NPAS2: variants seen among roughly 807,000 people sequenced by gnomAD.
NPAS2 encodes the protein neuronal PAS domain protein 2.
Under a neutral mutation model 107.5 loss-of-function variants are expected in NPAS2, and 23 were observed. The observed-to-expected ratio is 0.21, with a 90% CI of 0.15 to 0.30. The LOEUF is 0.30. Among genes scored for constraint, NPAS2 ranks in the 10% least tolerant of loss-of-function variants. The pLI is 1.00. For synonymous variants in NPAS2, 403 were observed against 417.5 expected (o/e 0.97, Z 0.42); for missense variants, 756 against 1,043.3 (o/e 0.72, Z 3.79).
intron 1 of NPAS2, chr2:100,823,562 C>T (rs996035830): frequency 6.6e-6 from 1 of 152,242 alleles, no homozygotes; most frequent in Admixed American, 6.5e-5. Flanking sequence ...GATTCTAACT[C>T]AGGACACCTG....
intron 2 of NPAS2, among the ~76,000 whole-genome samples, chr2:100,908,394 C>T (rs1207315949): frequency 6.6e-6 from 1 of 152,064 alleles, no homozygotes; most frequent in Admixed American, 6.6e-5. Flanking sequence ...TTATTCTTAG[C>T]CCCATTTTAC....
intron 1 of NPAS2, among the ~76,000 whole-genome samples, chr2:100,860,300 G>T (rs1678857596): frequency 6.6e-6 from 1 of 152,188 alleles, no homozygotes; most frequent in Non-Finnish European, 1.5e-5. Context: ...TGTACTTCTG[G>T]CAGGAATATC....
intron 1 of NPAS2, among the ~76,000 whole-genome samples, chr2:100,883,898 A>G (rs1680538138): frequency 7.4e-6 from 1 of 134,408 alleles, no homozygotes; most frequent in South Asian, 2.8e-4. Flanking sequence ...ACACCTCCCT[A>G]CTGGTTAGGC....
intron 1 of NPAS2, among the ~76,000 whole-genome samples, chr2:100,876,347 G>A (rs761811315): frequency 3.3e-5 from 5 of 152,182 alleles, no homozygotes; most frequent in Non-Finnish European, 5.9e-5. Flanking sequence ...TGGTCCCCAC[G>A]CCTGCTGCTC....
chr2:100,979,498 ATATATTTTT>A (rs1190143816), intron 15 of NPAS2, among the ~76,000 whole-genome samples: 398 of 56,630 alleles, frequency 7.0e-3, no homozygotes, highest in African/African-American at 0.011. Flanking sequence ...ATATATATAT[ATATATTTTT>A]TTTTTTTTTT....
chr2:100,820,932 G>A lies in NPAS2; in HGVS notation c.-23+518G>A. ...TCCGGGCCGGATTGGGTGCGGAATC[G>A]GTGCCCCCAACCCCCGTGTGCGCAG... On this transcript the variant is annotated intron_variant, in intron 1 of 20. Coordinates refer to ENST00000335681, the MANE Select transcript of NPAS2 (RefSeq NM_002518.4). This position sits in a 1 kb window ranked among gnomAD's most constrained non-coding sequence, Gnocchi z 5.6. The A allele has an allele frequency of 2.7e-6, 2 of 754,160 alleles. No homozygotes were observed. The highest frequency in any genetic ancestry group is 7.1e-5 in the East Asian group (1 of 14,180). The allele number at this position is 754,160 out of a possible 1,614,324, so 46.7% of individuals were successfully genotyped here. A position where few individuals can be genotyped will look rare whatever the true frequency, so the allele number is the denominator to read the frequency against.
At chr2:100,833,435 A>C (rs1676867055) in intron 1 of NPAS2, among the ~76,000 whole-genome samples, 1 of 152,248 alleles carries the variant, frequency 6.6e-6, no homozygotes, top group Non-Finnish European at 1.5e-5. Flanking sequence ...TGCCAGCCTC[A>C]AGGTGTTTTC....
chr2:100,951,787 C>A (rs1485142095), intron 7 of NPAS2, among the ~76,000 whole-genome samples: 2 of 152,082 alleles, frequency 1.3e-5, no homozygotes, highest in South Asian at 4.1e-4. Context: ...ATATACTCAG[C>A]CCTACTGAAC....
intron 1 of NPAS2, among the ~76,000 whole-genome samples, chr2:100,848,395 A>G (rs1464747749): frequency 6.6e-6 from 1 of 152,196 alleles, no homozygotes; most frequent in Admixed American, 6.5e-5. Flanking sequence ...TCTTATAGGA[A>G]AGATCTGGAT....
intron 5 of NPAS2, among the ~76,000 whole-genome samples, chr2:100,946,966 G>A (rs1183842866): frequency 6.6e-6 from 1 of 152,166 alleles, no homozygotes; most frequent in Non-Finnish European, 1.5e-5. Context: ...CACAAGGGTT[G>A]GAGATGATAT....
At chr2:100,961,854 C>T (rs1675935241) in intron 7 of NPAS2, among the ~76,000 whole-genome samples, 1 of 152,108 alleles carries the variant, frequency 6.6e-6, no homozygotes, top group Non-Finnish European at 1.5e-5. Flanking sequence ...AAGGGGGAGG[C>T]CTTCTCTTAA....
At position 100,820,261 on chromosome 2, in the gene NPAS2, G is replaced by GGCGGCGGCGGCGGCA. The variant is rs1337757034; in HGVS notation, c.-168_-167insGGCGGCAGCGGCGGC. ...GACCCGCAGCCGCGGCGGCGGCGGC[G>GGCGGCGGCGGCGGCA]GCGGCGGCAGCAGCTAGAGCAGCGC... On this transcript the variant is annotated 5_prime_UTR_variant, in exon 1 of 21. Transcript: ENST00000335681. This position sits in a 1 kb window ranked among gnomAD's most constrained non-coding sequence, Gnocchi z 5.6. The GGCGGCGGCGGCGGCA allele has an allele frequency of 1.3e-5, 2 of 148,826 alleles. No homozygotes were observed. Among genetic ancestry groups the GGCGGCGGCGGCGGCA allele is most frequent in the Non-Finnish European group, 3.0e-5 (2 of 67,682 alleles). 9.2% of individuals were successfully genotyped at this position (148,826 alleles called of 1,614,324 possible).
chr2:100,891,612 A>G (rs983709317), intron 1 of NPAS2, among the ~76,000 whole-genome samples: 1 of 152,250 alleles, frequency 6.6e-6, no homozygotes, highest in Non-Finnish European at 1.5e-5. Flanking sequence ...AGTGAAGGCA[A>G]GAGCACTGAG....
chr2:100,846,852 C>T (rs1488386352), intron 1 of NPAS2: 5 of 152,156 alleles, frequency 3.3e-5, no homozygotes, highest in African/African-American at 1.2e-4. Flanking sequence ...AACTGAGGCC[C>T]AGAAAGGTTC....
intron 3 of NPAS2, among the ~76,000 whole-genome samples, chr2:100,928,938 C>A (rs569661232): frequency 6.6e-6 from 1 of 152,226 alleles, no homozygotes; most frequent in African/African-American, 2.4e-5. Flanking sequence ...GAGTCTTGGT[C>A]TGTCACCCAG....
At chr2:100,886,815 G>A (rs1680730206) in intron 1 of NPAS2, among the ~76,000 whole-genome samples, 1 of 152,188 alleles carries the variant, frequency 6.6e-6, no homozygotes, top group East Asian at 1.9e-4. Flanking sequence ...AAAGGAGGAA[G>A]AAATGATGTC....
At chr2:100,949,333 C>T (rs758443280) in intron 6 of NPAS2, 34 bp from the exon 7 acceptor site, 2 of 1,230,908 alleles carry the variant, frequency 1.6e-6, no homozygotes, top group Admixed American at 1.7e-5. Flanking sequence ...TGCTCACGAC[C>T]CCTTTCTCTC....
At chr2:100,932,818 C>A in intron 3 of NPAS2, 92 bp from the exon 4 acceptor site, 1 of 892,334 alleles carries the variant, frequency 1.1e-6, no homozygotes, top group South Asian at 1.4e-5. Flanking sequence ...GAAGTTTACA[C>A]AAAATTACAT....
At chr2:100,942,926 C>T (rs2105010242) in intron 5 of NPAS2, among the ~76,000 whole-genome samples, 1 of 152,286 alleles carries the variant, frequency 6.6e-6, no homozygotes, top group Middle Eastern at 3.4e-3. Flanking sequence ...GCTGTGGGCT[C>T]TTCTTATTGC....
Sources: gnomAD v4.1 joint callset for allele counts (sites outside exome capture counted in the v4.1 genomes callset) on GRCh38, gnomAD v4.1.1 for gene constraint, Gnocchi (gnomAD v3.1) non-coding constraint, MANE v1.5 for transcripts, NCBI Gene and HGNC (gene_info 2026-07-23, HGNC 2026-07-21) for gene names.